Variants in DENND1A observed in about 807,000 individuals in gnomAD.
DENND1A encodes DENN domain-containing protein 1A.
DENND1A carries 51 observed loss-of-function variants against 113.7 expected under a neutral mutation model. The observed-to-expected ratio is 0.45, with a 90% confidence interval of 0.36 to 0.57. The LOEUF (loss-of-function observed/expected upper bound fraction) is 0.57. DENND1A is among the 20% of genes least tolerant of loss of function. The pLI is 0.00. For synonymous variants in DENND1A, 565 were observed against 570.8 expected (o/e 0.99, Z 0.14); for missense variants, 1,258 against 1,395.9 (o/e 0.90, Z 1.57).
intron 19 of DENND1A, among the ~76,000 whole-genome samples, chr9:123,432,696 C>T (rs541333446): frequency 3.9e-5 from 6 of 152,312 alleles, no homozygotes; most frequent in Admixed American, 3.9e-4. Flanking sequence ...GGACTGTGGG[C>T]GCGTGACTGG....
chr9:123,590,888 C>A (rs565164024), intron 11 of DENND1A, among the ~76,000 whole-genome samples: 1 of 152,092 alleles, frequency 6.6e-6, no homozygotes. Flanking sequence ...TAAGAGTGTG[C>A]GAACAATGGT....
At chr9:123,696,000 C>G (rs546986878) in intron 5 of DENND1A, among the ~76,000 whole-genome samples, 1 of 143,556 alleles carries the variant, frequency 7.0e-6, no homozygotes, top group South Asian at 2.1e-4. Context: ...AAAAAAAAAC[C>G]CACACCAAAA....
At chr9:123,871,251 T>C (rs1434138382) in intron 2 of DENND1A, among the ~76,000 whole-genome samples, 1 of 152,024 alleles carries the variant, frequency 6.6e-6, no homozygotes, top group African/African-American at 2.4e-5. Flanking sequence ...CCCAGCTATG[T>C]TTTTGTATGT....
chr9:123,402,054 G>A (rs2043515010), intron 21 of DENND1A: 1 of 1,199,500 alleles, frequency 8.3e-7, no homozygotes. Flanking sequence ...ATCCCCTTAA[G>A]GAGGAATCTT....
At chr9:123,398,519 G>C (rs1163570659) in intron 21 of DENND1A, among the ~76,000 whole-genome samples, 1 of 150,386 alleles carries the variant, frequency 6.6e-6, no homozygotes, top group Admixed American at 6.6e-5. Context: ...GGACTACAGG[G>C]ATCCACCACC....
chr9:123,578,035 T>C (rs1295090046), intron 12 of DENND1A, among the ~76,000 whole-genome samples: 3 of 152,230 alleles, frequency 2.0e-5, no homozygotes, highest in Non-Finnish European at 4.4e-5. Flanking sequence ...TATAGTTTCC[T>C]GTCAGGAGTT....
intron 12 of DENND1A, among the ~76,000 whole-genome samples, chr9:123,558,012 A>C (rs2057526095): frequency 6.6e-6 from 1 of 152,110 alleles, no homozygotes; most frequent in African/African-American, 2.4e-5. Context: ...AAGTGTTCAG[A>C]ATTAGGGCAT....
chr9:123,680,432 T>C (rs947918452), intron 5 of DENND1A, among the ~76,000 whole-genome samples: 8 of 152,254 alleles, frequency 5.3e-5, no homozygotes, highest in African/African-American at 1.2e-4. Flanking sequence ...ACAGCACTTA[T>C]GGCAGCAACA....
chr9:123,640,906 T>A (rs538991395), intron 9 of DENND1A, among the ~76,000 whole-genome samples: 4 of 152,362 alleles, frequency 2.6e-5, no homozygotes, highest in South Asian at 4.1e-4. Context: ...TGACTTGCAG[T>A]CTGATACTCT....
rs894327358 is a variant in DENND1A, at chr9:123,411,782, C to T, written c.1536G>A (p.Ser512=). The part of the protein sequence containing the change: ...PTRPPPKIQR[S]RPVRPPRPHV... ...AGAACCACCAGCTACTCACGGGCCT[C>T]GAGCGCTGTATCTTGGGAGGCGGTC... Residue 512 remains serine (S), a synonymous_variant, in exon 20 of 24, where the codon TCG becomes TCA. Coordinates refer to ENST00000394215, the MANE Select transcript of DENND1A (RefSeq NM_001352964.2). 9 of 985,950 alleles carry T rather than the reference C, an allele frequency of 9.1e-6. No individual in the cohort carries two copies. In the Admixed American group the frequency reaches 1.8e-4, roughly 20 times the overall value. The allele number at this position is 985,950 out of a possible 1,614,324, so 61.1% of individuals were successfully genotyped here.
intron 21 of DENND1A, among the ~76,000 whole-genome samples, chr9:123,393,344 A>G (rs571661229): frequency 1.3e-5 from 2 of 152,264 alleles, no homozygotes; most frequent in East Asian, 1.9e-4. Flanking sequence ...CTTTCCAGGC[A>G]TGGTTAGTGG....
chr9:123,722,299 A>C (rs2067396957), intron 5 of DENND1A, among the ~76,000 whole-genome samples: 1 of 152,252 alleles, frequency 6.6e-6, no homozygotes, highest in African/African-American at 2.4e-5. Context: ...TGTTAAAGGC[A>C]TTCAGTTTTA....
At chr9:123,835,726 T>C (rs1301046202) in intron 2 of DENND1A, among the ~76,000 whole-genome samples, 1 of 151,068 alleles carries the variant, frequency 6.6e-6, no homozygotes, top group Non-Finnish European at 1.5e-5. Flanking sequence ...AACACACTCC[T>C]CCACCACACA....
At chr9:123,417,915 G>T (rs2044878374) in intron 19 of DENND1A, among the ~76,000 whole-genome samples, 1 of 152,026 alleles carries the variant, frequency 6.6e-6, no homozygotes, top group African/African-American at 2.4e-5. Context: ...GGAGTGCAGG[G>T]ACAGGGGACC....
intron 14 of DENND1A, 148 bp downstream of exon 14, chr9:123,457,645 C>T (rs2048228389): frequency 6.3e-6 from 5 of 797,330 alleles, no homozygotes; most frequent in Non-Finnish European, 9.9e-6. Context: ...TCAGTGACTG[C>T]TCTCTTCATC....
chr9:123,430,108 T>C (rs1043233039), intron 19 of DENND1A, among the ~76,000 whole-genome samples: 1 of 152,108 alleles, frequency 6.6e-6, no homozygotes, highest in Non-Finnish European at 1.5e-5. Context: ...CAGTAGTCAT[T>C]AGAGAAATGC....
rs947529556 is a variant in DENND1A, at chr9:123,382,253, G to T, written c.2392C>A (p.Arg798=). The T allele has an allele frequency of 1.2e-6, 2 of 1,609,970 alleles. No individual in the cohort carries two copies. The highest frequency in any genetic ancestry group is 2.2e-5 in the South Asian group (2 of 90,924). The change falls in exon 24 of 24, where the codon CGG becomes AGG. Residue 798 remains arginine, a synonymous_variant. Coordinates refer to ENST00000394215, the MANE Select transcript of DENND1A (RefSeq NM_001352964.2). ...CGCCTGTCCCGATCCGTCTGCAGCC[G>T]CTCTGAGACGTCACCAAGTGCGGCG... ...AGAALGDVSE[R]LQTDRDRRAA...
intron 5 of DENND1A, among the ~76,000 whole-genome samples, chr9:123,707,155 G>T (rs549964051): frequency 6.6e-6 from 1 of 152,302 alleles, no homozygotes; most frequent in South Asian, 2.1e-4. Context: ...AGCACTTTGG[G>T]AGGCCAAGGC....
At chr9:123,723,317 C>T (rs2067471848) in intron 5 of DENND1A, among the ~76,000 whole-genome samples, 1 of 152,212 alleles carries the variant, frequency 6.6e-6, no homozygotes, top group Non-Finnish European at 1.5e-5. Context: ...GCAGAAGGGA[C>T]TTGCCTTGTC....
Sources: allele counts gnomAD v4.1 joint callset (sites outside exome capture counted in the v4.1 genomes callset), GRCh38; gene constraint gnomAD v4.1.1; transcripts MANE v1.5; gene names NCBI Gene and HGNC (gene_info 2026-07-23, HGNC 2026-07-21).